Variants in RBM6 observed in about 807,000 individuals in gnomAD.
RBM6 encodes the protein RNA binding motif protein 6.
A neutral mutation model predicts 140.4 loss-of-function variants in RBM6; 23 were observed. The ratio of observed to expected loss-of-function variants is 0.16; its 90% CI spans 0.12 to 0.23. The LOEUF is 0.23. Among genes scored for constraint, RBM6 ranks in the 10% least tolerant of loss-of-function variants. The probability of loss-of-function intolerance (pLI) is 1.00; values close to 1 mark genes in which losing one functional copy is unlikely to be tolerated. For synonymous variants in RBM6, 439 were observed against 475.6 expected, an observed-to-expected ratio of 0.92 and a Z score of 1.00; for missense variants, 1,139 against 1,386.7, an observed-to-expected ratio of 0.82 and a Z score of 2.84.
intron 2 of RBM6, 140 bp downstream of exon 2, chr3:49,962,825 C>T (rs1317028857): frequency 3.1e-5 from 24 of 784,518 alleles, no homozygotes; most frequent in East Asian, 1.9e-4. Context: ...TGGCTGGGCG[C>T]GGTGGCTCAC....
chr3:49,965,202 A>G (rs2084450317), intron 2 of RBM6, among the ~76,000 whole-genome samples: 1 of 152,202 alleles, frequency 6.6e-6, no homozygotes, highest in South Asian at 2.1e-4. Context: ...TCTTTAGGCC[A>G]TGTTGGATGT....
chr3:49,995,784 A>G (rs2086056090), intron 5 of RBM6, among the ~76,000 whole-genome samples: 1 of 152,164 alleles, frequency 6.6e-6, no homozygotes, highest in Non-Finnish European at 1.5e-5. Context: ...TACCATCTTG[A>G]TGATTCCATA....
At chr3:50,053,552 A>T (rs1646014414) in intron 7 of RBM6, among the ~76,000 whole-genome samples, 1 of 152,026 alleles carries the variant, frequency 6.6e-6, no homozygotes, top group Non-Finnish European at 1.5e-5. Context: ...AAAAAAAAGA[A>T]TTAGCCACTG....
chr3:50,037,782 A>G (rs574809977), intron 6 of RBM6, among the ~76,000 whole-genome samples: 2 of 150,314 alleles, frequency 1.3e-5, no homozygotes, highest in South Asian at 2.1e-4. Flanking sequence ...GGGATTATAG[A>G]CATGAGCCAC....
At chr3:50,073,784 G>T (rs1439602891) in intron 19 of RBM6, among the ~76,000 whole-genome samples, 1 of 151,894 alleles carries the variant, frequency 6.6e-6, no homozygotes, top group African/African-American at 2.4e-5. Flanking sequence ...AGAAGGATGA[G>T]GTTCAGAGAC....
chr3:49,962,524 A>T, intron 1 of RBM6, 52 bp from the exon 2 acceptor site: 1 of 847,948 alleles, frequency 1.2e-6, no homozygotes, highest in Non-Finnish European at 1.9e-6. Context: ...AAACTGGTTT[A>T]GCTTTTAGTT....
intron 2 of RBM6, among the ~76,000 whole-genome samples, chr3:49,965,531 G>A (rs965447780): frequency 6.6e-6 from 1 of 152,094 alleles, no homozygotes; most frequent in African/African-American, 2.4e-5. Flanking sequence ...TTAGCTGGGC[G>A]TGGTAGCGGG....
At chr3:50,000,354 T>C (rs1159019807) in intron 6 of RBM6, among the ~76,000 whole-genome samples, 5 of 150,544 alleles carry the variant, frequency 3.3e-5, no homozygotes, top group Non-Finnish European at 7.4e-5. Context: ...TTCTTTTTTT[T>C]TTTTTTTAAT....
rs77601514 is a variant in RBM6 at position 49,971,826 on chromosome 3, T to C, written c.1324-233T>C. Among the ~76,000 whole-genome samples the C allele has an allele frequency of 1.2e-4, 18 of 152,328 alleles. No individual in the cohort carries two copies. In the East Asian group the frequency reaches 2.3e-3, roughly 20 times the overall value. The stretch of plus-strand genomic sequence containing the variant: ...TCTTACTCAGTCTTGTCTCTCGTAA[T>C]GTTTTGCTTTACTTTGAAGACTCTT... On this transcript the variant is annotated intron_variant, in intron 3 of 20. Coordinates refer to ENST00000266022, the MANE Select transcript of RBM6 (RefSeq NM_005777.3).
intron 5 of RBM6, among the ~76,000 whole-genome samples, chr3:49,999,021 T>C (rs1208106872): frequency 1.3e-5 from 2 of 151,768 alleles, no homozygotes; most frequent in Non-Finnish European, 2.9e-5. Flanking sequence ...TGCTTTTTTT[T>C]CTTCTCTCGG....
intron 6 of RBM6, among the ~76,000 whole-genome samples, chr3:50,036,241 C>T (rs1055207524): frequency 1.3e-5 from 2 of 152,206 alleles, no homozygotes; most frequent in African/African-American, 2.4e-5. Context: ...CTACAAACTA[C>T]AAGAGATGCC....
chr3:49,970,681 A>G (rs553678936), intron 3 of RBM6, among the ~76,000 whole-genome samples: 3 of 152,342 alleles, frequency 2.0e-5, no homozygotes, highest in Admixed American at 6.5e-5. Flanking sequence ...TTGTAATTTT[A>G]CAATGAAGGT....
At chr3:50,072,101 A>AAAAAG (rs1179145071) in intron 19 of RBM6, among the ~76,000 whole-genome samples, 6 of 145,508 alleles carry the variant, frequency 4.1e-5, no homozygotes, top group African/African-American at 1.3e-4. Context: ...AAAAAAAAAA[A>AAAAAG]AAAAGAAAAG....
intron 1 of RBM6, among the ~76,000 whole-genome samples, chr3:49,946,408 T>G (rs1441909544): frequency 1.3e-5 from 2 of 151,924 alleles, no homozygotes; most frequent in African/African-American, 2.4e-5. Context: ...GCCCAGCTAA[T>G]TTTTGCATTT....
chr3:49,970,455 A>G (rs2084738865), intron 3 of RBM6, among the ~76,000 whole-genome samples: 1 of 152,108 alleles, frequency 6.6e-6, no homozygotes, highest in South Asian at 2.1e-4. Flanking sequence ...GTTTGAAAGT[A>G]TATGTCTTTG....
At chr3:50,076,892 A>AG (rs2090479603) in intron 20 of RBM6, 116 bp from the exon 21 acceptor site, 2 of 1,142,496 alleles carry the variant, frequency 1.8e-6, no homozygotes, top group Non-Finnish European at 2.3e-6. Context: ...TAAAAAAAAA[A>AG]AAAAAATTAT....
Position 49,971,606 on chromosome 3 carries a change from T to G in RBM6, c.1324-453T>G, listed in dbSNP as rs573645911. Among the ~76,000 whole-genome samples, 5 of 152,038 alleles carry G rather than the reference T, an allele frequency of 3.3e-5. 1 individual carries two copies. Among genetic ancestry groups the G allele is most frequent in the African/African-American group, 1.2e-4 (5 of 41,524 alleles). ...AGGCTGGAGTGCAGTGGCACAATCT[T>G]GGCTCACTGAAACCTCTGCCTCCCA... On this transcript the variant is annotated intron_variant, in intron 3 of 20. Transcript: ENST00000266022.
chr3:49,987,646 C>A (rs2085624970), intron 5 of RBM6, among the ~76,000 whole-genome samples: 1 of 147,386 alleles, frequency 6.8e-6, no homozygotes, highest in South Asian at 2.2e-4. Flanking sequence ...TTTCTTTTTT[C>A]TTTTTTTTTT....
intron 5 of RBM6, among the ~76,000 whole-genome samples, chr3:49,996,938 C>T (rs2108728621): frequency 6.6e-6 from 1 of 152,258 alleles, no homozygotes; most frequent in Middle Eastern, 3.4e-3. Context: ...TTACTTTGAT[C>T]AGTTTACCTA....
Sources: allele counts gnomAD v4.1 joint callset (sites outside exome capture counted in the v4.1 genomes callset), GRCh38; gene constraint gnomAD v4.1.1; transcripts MANE v1.5; gene names NCBI Gene and HGNC (gene_info 2026-07-23, HGNC 2026-07-21).